The following ZNF362 variants were observed in gnomAD, a reference collection of about 807,000 sequenced individuals.
ZNF362 encodes rotund homolog.
Under a neutral mutation model 42.9 loss-of-function variants are expected in ZNF362, and 11 were observed. That is an observed-to-expected ratio of 0.26 (90% CI 0.16 to 0.42). The LOEUF is 0.42. Among genes scored for constraint, ZNF362 ranks in the 20% least tolerant of loss-of-function variants. ZNF362 has a pLI of 1.00. For missense variants in ZNF362, 362 were observed against 576.2 expected, an observed-to-expected ratio of 0.63 and a Z score of 3.81; for synonymous variants, 255 against 257.3, an observed-to-expected ratio of 0.99 and a Z score of 0.09.
At chr1:33,231,695 T>A in the ZNF362 span, among the ~76,000 whole-genome samples, 20 of 152,322 alleles carry the variant, frequency 1.3e-4, no homozygotes, top group African/African-American at 4.8e-4. Context: ...GGGTTTTGAT[T>A]ATCATTGTGT....
intron 8 of ZNF362, among the ~76,000 whole-genome samples, 160 bp from the exon 9 acceptor site, chr1:33,298,770 A>G (rs1397630800): frequency 1.3e-5 from 2 of 152,178 alleles, no homozygotes; most frequent in African/African-American, 4.8e-5. Flanking sequence ...GTGTCTCTAG[A>G]ACCAATGGCC....
intron 2 of ZNF362, among the ~76,000 whole-genome samples, chr1:33,274,740 G>A (rs1000416307): frequency 2.0e-5 from 3 of 152,218 alleles, no homozygotes; most frequent in Non-Finnish European, 4.4e-5. Flanking sequence ...ATTCCCCAGA[G>A]GAACCAGCTT....
chr1:33,165,432 T>C, the ZNF362 span: 2 of 1,498,202 alleles, frequency 1.3e-6, no homozygotes, highest in South Asian at 2.4e-5. The surrounding 1 kb of genome is among the most constrained non-coding windows in gnomAD (Gnocchi z 4.0). Flanking sequence ...CCTGCCCTCA[T>C]CTCTGCCGGC....
the ZNF362 span, chr1:33,165,455 C>A: frequency 1.9e-6 from 3 of 1,576,448 alleles, no homozygotes; most frequent in Admixed American, 1.8e-5. The surrounding 1 kb of genome is among the most constrained non-coding windows in gnomAD (Gnocchi z 4.0). Context: ...CACCTCCGCG[C>A]CCCGGCCAGG....
At chr1:33,183,236 G>A in the ZNF362 span, among the ~76,000 whole-genome samples, 5 of 152,160 alleles carry the variant, frequency 3.3e-5, no homozygotes, top group Non-Finnish European at 5.9e-5. Flanking sequence ...AGGGAAATGA[G>A]CCATAGAGGG....
the ZNF362 span, among the ~76,000 whole-genome samples, chr1:33,236,105 C>T: frequency 6.6e-6 from 1 of 152,092 alleles, no homozygotes; most frequent in Non-Finnish European, 1.5e-5. Flanking sequence ...TTCACCTTCC[C>T]TATTTATAGG....
Position 33,281,897 on chromosome 1 carries a change from A to G in ZNF362, c.908+86A>G. 7.0e-7 allele frequency: 1 copy of G among 1,426,906 alleles called. No homozygotes were observed. Among genetic ancestry groups the G allele is most frequent in the Non-Finnish European group, 9.7e-7 (1 of 1,028,830 alleles). 88.4% of individuals were successfully genotyped at this position (1,426,906 alleles called of 1,614,324 possible). On this transcript the variant is annotated intron_variant, in intron 6 of 8. Transcript: ENST00000539719. The surrounding 1 kb of genome is among the most constrained non-coding windows in gnomAD (Gnocchi z 4.8). Reference sequence around the variant, plus strand: ...ACATGGAGCCAGTGCAAGGAGGGGCAAGGACCTTCTCCAGGTGCCCATTGC... The same window carrying G: ...ACATGGAGCCAGTGCAAGGAGGGGCGAGGACCTTCTCCAGGTGCCCATTGC...
At chr1:33,189,673 G>GTATA in the ZNF362 span, among the ~76,000 whole-genome samples, 5 of 9,006 alleles carry the variant, frequency 5.6e-4, no homozygotes, top group Non-Finnish European at 2.0e-3. Context: ...ATATATATAT[G>GTATA]TATATATATA....
At chr1:33,204,345 T>C in the ZNF362 span, among the ~76,000 whole-genome samples, 12 of 152,200 alleles carry the variant, frequency 7.9e-5, no homozygotes, top group Non-Finnish European at 1.3e-4. Flanking sequence ...CTGTCTTTTA[T>C]GTCAGTACTA....
the ZNF362 span, among the ~76,000 whole-genome samples, chr1:33,160,523 G>C: frequency 6.6e-6 from 1 of 152,066 alleles, no homozygotes; most frequent in Non-Finnish European, 1.5e-5. Flanking sequence ...TCCAGCCTCA[G>C]CCTCCCTAGT....
chr1:33,260,912 C>T (rs138045967), intron 1 of ZNF362, among the ~76,000 whole-genome samples: 2 of 152,280 alleles, frequency 1.3e-5, no homozygotes, highest in African/African-American at 2.4e-5. Context: ...ACCTTTGACA[C>T]TTGGAATCTT....
chr1:33,290,146 C>T (rs933029831), intron 6 of ZNF362, among the ~76,000 whole-genome samples: 7 of 151,988 alleles, frequency 4.6e-5, no homozygotes, highest in Non-Finnish European at 1.0e-4. Flanking sequence ...GCAGAACGTG[C>T]AGGTTTGTTA....
At chr1:33,207,744 G>A in the ZNF362 span, among the ~76,000 whole-genome samples, 1 of 152,168 alleles carries the variant, frequency 6.6e-6, no homozygotes, top group African/African-American at 2.4e-5. Flanking sequence ...CTGCATAAAT[G>A]TCTTCTTTTA....
the ZNF362 span, among the ~76,000 whole-genome samples, chr1:33,241,437 A>C: frequency 1.3e-5 from 2 of 151,662 alleles, no homozygotes; most frequent in African/African-American, 4.9e-5. Context: ...AGGAGGTTGC[A>C]GTGAGCCGAG....
chr1:33,214,118 A>G, the ZNF362 span, among the ~76,000 whole-genome samples: 1 of 152,178 alleles, frequency 6.6e-6, no homozygotes, highest in African/African-American at 2.4e-5. Context: ...GAAAGACACA[A>G]AATAAGATAG....
At chr1:33,247,445 C>T in the ZNF362 span, among the ~76,000 whole-genome samples, 1 of 152,072 alleles carries the variant, frequency 6.6e-6, no homozygotes, top group Non-Finnish European at 1.5e-5. Flanking sequence ...CTAACGCTGG[C>T]GTTCTGATTT....
At chr1:33,200,147 G>A in the ZNF362 span, 1 of 152,216 alleles carries the variant, frequency 6.6e-6, no homozygotes, top group African/African-American at 2.4e-5. Context: ...CTGTTTGTGA[G>A]GTGGTGTACT....
rs1172914344 is a variant in ZNF362, at chr1:33,266,150, C to CT, written c.-88-4336dup. Among the ~76,000 whole-genome samples the CT allele has an allele frequency of 6.6e-6, 1 of 152,252 alleles. No homozygotes were observed. The highest frequency in any genetic ancestry group is 2.4e-5 in the African/African-American group (1 of 41,472). ...CTGCAGCAGTAGCTGTTGCCCCTCT[C>CT]TGGGGGCAGGGATTATGTTTGAGAA... On this transcript the variant is annotated intron_variant, in intron 1 of 8. Coordinates refer to ENST00000539719, the MANE Select transcript of ZNF362 (RefSeq NM_152493.3). The surrounding 1 kb of genome is among the most constrained non-coding windows in gnomAD (Gnocchi z 4.3).
the ZNF362 span, among the ~76,000 whole-genome samples, chr1:33,151,976 G>A: frequency 2.0e-5 from 3 of 152,246 alleles, no homozygotes; most frequent in African/African-American, 4.8e-5. Context: ...GGCTGTAAGC[G>A]TTTTCCTCTG....
Sources: gnomAD v4.1 joint callset for allele counts (sites outside exome capture counted in the v4.1 genomes callset) on GRCh38, gnomAD v4.1.1 for gene constraint, Gnocchi (gnomAD v3.1) non-coding constraint, MANE v1.5 for transcripts, NCBI Gene and HGNC (gene_info 2026-07-23, HGNC 2026-07-21) for gene names.